The following GLRA1 variants were observed in gnomAD, a reference collection of about 807,000 sequenced individuals.
GLRA1 encodes glycine receptor alpha 1, also known as glycine receptor subunit alpha-1.
In GLRA1, 37 loss-of-function variants were observed where a neutral mutation model predicts 48.3. The observed-to-expected ratio is 0.77, with a 90% CI of 0.59 to 1.01. The LOEUF (loss-of-function observed/expected upper bound fraction) is 1.01. Ranked by LOEUF, GLRA1 falls within the 50% of genes least tolerant of loss-of-function variation. GLRA1 has a pLI of 0.00. For synonymous variants in GLRA1, 196 were observed against 210.7 expected, an observed-to-expected ratio of 0.93 and a Z score of 0.60; for missense variants, 427 against 571.0, an observed-to-expected ratio of 0.75 and a Z score of 2.57.
intron 1 of GLRA1, among the ~76,000 whole-genome samples, chr5:151,922,039 C>G (rs1754889110): frequency 6.6e-6 from 1 of 152,106 alleles, no homozygotes; most frequent in African/African-American, 2.4e-5. Flanking sequence ...TTGTTATTGC[C>G]ATTTCGCTGG....
chr5:151,859,629 A>G (rs1031106416), intron 4 of GLRA1, among the ~76,000 whole-genome samples, 156 bp downstream of exon 4: 3 of 152,312 alleles, frequency 2.0e-5, no homozygotes, highest in African/African-American at 7.2e-5. Flanking sequence ...CTTGCCGAGT[A>G]TAAGTTACAG....
intron 6 of GLRA1, 32 bp downstream of exon 6, chr5:151,855,008 T>A: frequency 6.2e-7 from 1 of 1,609,462 alleles, no homozygotes; most frequent in Non-Finnish European, 8.5e-7. Flanking sequence ...GGTTGGGGGG[T>A]GGGATCTGAG....
chr5:151,850,713 A>G, intron 7 of GLRA1: 2 of 1,140,936 alleles, frequency 1.8e-6, no homozygotes, highest in Non-Finnish European at 2.7e-6. Context: ...GCCACTGCGA[A>G]CCCTTTTCGG....
chr5:151,823,094 G>C, intron 8 of GLRA1, 131 bp from the exon 9 acceptor site: 1 of 820,972 alleles, frequency 1.2e-6, no homozygotes, highest in East Asian at 2.7e-5. Flanking sequence ...CATCACTCTA[G>C]GTTTCTGGAG....
At chr5:151,873,523 G>A (rs1753541966) in intron 3 of GLRA1, among the ~76,000 whole-genome samples, 1 of 151,910 alleles carries the variant, frequency 6.6e-6, no homozygotes, top group African/African-American at 2.4e-5. Flanking sequence ...AGCCGGGTGT[G>A]GTGGCGCACA....
At chr5:151,897,871 T>C (rs924506656) in intron 1 of GLRA1, among the ~76,000 whole-genome samples, 16 of 152,208 alleles carry the variant, frequency 1.1e-4, no homozygotes, top group African/African-American at 3.9e-4. Flanking sequence ...ATGTATGTTA[T>C]GTATACAAAT....
intron 3 of GLRA1, among the ~76,000 whole-genome samples, chr5:151,881,402 C>T (rs1205176464): frequency 6.6e-6 from 1 of 150,748 alleles, no homozygotes; most frequent in Non-Finnish European, 1.5e-5. Flanking sequence ...TCACTGCAGC[C>T]TTGACCTCCT....
chr5:151,825,528 T>C (rs1467148120), intron 8 of GLRA1, among the ~76,000 whole-genome samples: 1 of 152,148 alleles, frequency 6.6e-6, no homozygotes, highest in Admixed American at 6.6e-5. Context: ...GTAAAAGGCT[T>C]GCTATTCTTA....
intron 7 of GLRA1, among the ~76,000 whole-genome samples, chr5:151,835,685 TAAAG>T (rs1763558642): frequency 6.6e-6 from 1 of 152,122 alleles, no homozygotes; most frequent in African/African-American, 2.4e-5. Flanking sequence ...TAATCCATCA[TAAAG>T]ACAGAACCAA....
At position 151,826,990 on chromosome 5, in the gene GLRA1, A is replaced by G. The variant is rs76624975; in HGVS notation, c.1059+1931T>C. Among the ~76,000 whole-genome samples, 1,396 of 150,954 alleles carry G rather than the reference A, an allele frequency of 9.2e-3. 20 individuals carry two copies. The highest frequency in any genetic ancestry group is 0.032 in the African/African-American group (1,304 of 41,100). Reference sequence around the variant, plus strand: ...AGGGAAAATGGAAAAATAAAATCTTAGAGATACTTACGTTTGGTCAGTTTC... The same window carrying G: ...AGGGAAAATGGAAAAATAAAATCTTGGAGATACTTACGTTTGGTCAGTTTC... On this transcript the variant is annotated intron_variant, in intron 8 of 8. Coordinates refer to ENST00000274576, the MANE Select transcript of GLRA1 (RefSeq NM_000171.4).
intron 6 of GLRA1, among the ~76,000 whole-genome samples, chr5:151,852,528 C>T (rs1012499382): frequency 2.6e-5 from 4 of 152,190 alleles, no homozygotes; most frequent in African/African-American, 9.7e-5. Flanking sequence ...TGGGATGGGG[C>T]CAGTCTTATG....
At chr5:151,869,030 T>C (rs1175795074) in intron 3 of GLRA1, among the ~76,000 whole-genome samples, 2 of 152,208 alleles carry the variant, frequency 1.3e-5, no homozygotes. Context: ...AAGATCAATG[T>C]GAATTTAATA....
intron 5 of GLRA1, 51 bp downstream of exon 5, chr5:151,856,250 T>G: frequency 7.9e-7 from 1 of 1,262,188 alleles, no homozygotes; most frequent in Non-Finnish European, 1.2e-6. Flanking sequence ...GCCTATCCCA[T>G]GGGTAAAAAG....
At chr5:151,901,523 G>C (rs1754368450) in intron 1 of GLRA1, among the ~76,000 whole-genome samples, 1 of 152,244 alleles carries the variant, frequency 6.6e-6, no homozygotes. Flanking sequence ...TTGGACAGAA[G>C]AGCAAATGGC....
intron 1 of GLRA1, among the ~76,000 whole-genome samples, chr5:151,901,908 G>A (rs1405732298): frequency 6.6e-6 from 1 of 152,274 alleles, no homozygotes; most frequent in East Asian, 1.9e-4. Flanking sequence ...TATGCAGTTT[G>A]TAAGTGGTAG....
At chr5:151,839,267 A>G (rs1262150444) in intron 7 of GLRA1, among the ~76,000 whole-genome samples, 1 of 152,250 alleles carries the variant, frequency 6.6e-6, no homozygotes, top group Non-Finnish European at 1.5e-5. Context: ...CTGAAATAAA[A>G]GGATGCTAGA....
chr5:151,867,371 G>A (rs1753364614), intron 3 of GLRA1, among the ~76,000 whole-genome samples: 1 of 152,068 alleles, frequency 6.6e-6, no homozygotes, highest in Admixed American at 6.6e-5. Flanking sequence ...ACATCTTTGA[G>A]ATAAGGGTAA....
chr5:151,850,696 C>A, intron 7 of GLRA1: 1 of 1,189,386 alleles, frequency 8.4e-7, no homozygotes, highest in Non-Finnish European at 1.3e-6. Context: ...AAGACTGTTG[C>A]CCCTCTGCCA....
chr5:151,855,062 G>A lies in GLRA1; in HGVS notation c.675C>T (p.Tyr225=). ...TACCTGTGTTGTAGTGCTTGGTGCAGTATCTCAAGTCCTTCTCTTCCTTCA... is the reference window on the plus strand; with the variant it reads ...TACCTGTGTTGTAGTGCTTGGTGCAATATCTCAAGTCCTTCTCTTCCTTCA... The part of the protein sequence containing the change: ...FILKEEKDLR[Y]CTKHYNTGKF... Residue 225 remains tyrosine, a synonymous_variant, in exon 6 of 9, where the codon TAC becomes TAT. Coordinates refer to ENST00000274576, the MANE Select transcript of GLRA1 (RefSeq NM_000171.4). The A allele has an allele frequency of 6.2e-7, 1 of 1,614,170 alleles. No homozygotes were observed.
Sources: allele counts gnomAD v4.1 joint callset (sites outside exome capture counted in the v4.1 genomes callset), GRCh38; gene constraint gnomAD v4.1.1; transcripts MANE v1.5; gene names NCBI Gene and HGNC (gene_info 2026-07-23, HGNC 2026-07-21).